Variants in EIF4A2 observed in about 807,000 individuals in gnomAD.
The protein encoded by EIF4A2 is eukaryotic initiation factor 4A-II.
In EIF4A2, 9 loss-of-function variants were observed where a neutral mutation model predicts 50.6. The observed-to-expected ratio is 0.18, with a 90% CI of 0.11 to 0.31. The LOEUF is 0.31. Ranked by LOEUF, EIF4A2 falls within the 10% of genes least tolerant of loss-of-function variation. The probability of loss-of-function intolerance (pLI) is 1.00; values close to 1 mark genes in which losing one functional copy is unlikely to be tolerated. For synonymous variants in EIF4A2, 215 were observed against 164.4 expected (o/e 1.31, Z -2.35); for missense variants, 182 against 501.8 (o/e 0.36, Z 6.09).
rs147960260 is a variant in EIF4A2 at position 186,784,346 on chromosome 3, T to C, written c.30-86T>C. On this transcript the variant is annotated intron_variant, in intron 1 of 10. Coordinates refer to ENST00000323963, the MANE Select transcript of EIF4A2 (RefSeq NM_001967.4). ...GCTTGTGCAGGGGAGGCTAACGTGC[T>C]GAGACGGGTTGCAAAGGGCTATGCG... 2,652 of 1,598,174 alleles carry C rather than the reference T, an allele frequency of 1.7e-3. 44 individuals are homozygous for C. In the African/African-American group the frequency reaches 0.031, roughly 19 times the overall value.
chr3:186,787,609 A>G, intron 9 of EIF4A2, 25 bp downstream of exon 9: 1 of 1,613,830 alleles, frequency 6.2e-7, no homozygotes, highest in African/African-American at 1.3e-5. Flanking sequence ...GCTTTTTAAA[A>G]ATCTACCAAA....
intron 7 of EIF4A2, chr3:186,786,895 G>C: frequency 1.1e-6 from 1 of 882,830 alleles, no homozygotes; most frequent in East Asian, 2.4e-5. Flanking sequence ...TAATTTCTAC[G>C]TTTTGAGACT....
chr3:186,786,397 C>G (rs1721712014), intron 6 of EIF4A2, 105 bp from the exon 7 acceptor site: 11 of 1,539,228 alleles, frequency 7.1e-6, no homozygotes, highest in South Asian at 2.5e-5. Context: ...ATGCATAACT[C>G]TGTCTACCTT....
At position 186,786,530 on chromosome 3, in the gene EIF4A2, C is replaced by T; in HGVS notation, c.656C>T (p.Thr219Ile). The change falls in exon 7 of 11, where the codon ACT becomes ATT. Residue 219 changes from threonine to isoleucine, a missense_variant. By Grantham distance (89) the Thr-to-Ile change is moderately conservative. Transcript: ENST00000323963. ...QVVLLSATMP[T>I]DVLEVTKKFM... ...GTGTTGCTTTCTGCCACAATGCCAA[C>T]TGATGTGTTGGAAGTGACCAAAAAA... 6.2e-7 allele frequency: 1 copy of T among 1,612,676 alleles called. No homozygotes were observed. Among genetic ancestry groups the T allele is most frequent in the Non-Finnish European group, 8.5e-7 (1 of 1,179,946 alleles).
chr3:186,787,147 T>C lies in EIF4A2; in HGVS notation c.792T>C (p.Leu264=), dbSNP rs1208626861. 2 of 1,613,754 alleles carry C rather than the reference T, an allele frequency of 1.2e-6. No individual in the cohort carries two copies. Among genetic ancestry groups the C allele is most frequent in the African/African-American group, 2.7e-5 (2 of 74,932 alleles). Residue 264 remains leucine, a synonymous_variant, in exon 8 of 11, where the codon CTT becomes CTC. Transcript: ENST00000323963. The part of the protein sequence containing the change: ...VEREEWKLDT[L]CDLYETLTIT... ...TACAGGAATGGAAGTTGGATACACTTTGTGACTTGTACGAGACACTGACCA... is the reference window on the plus strand; with the variant it reads ...TACAGGAATGGAAGTTGGATACACTCTGTGACTTGTACGAGACACTGACCA...
chr3:186,786,953 A>G (rs1478672214), intron 7 of EIF4A2, 174 bp from the exon 8 acceptor site: 1 of 1,040,386 alleles, frequency 9.6e-7, no homozygotes, highest in African/African-American at 1.6e-5. Flanking sequence ...TTTTGGGTAG[A>G]GACAGTTTCA....
At position 186,784,322 on chromosome 3, in the gene EIF4A2, C is replaced by T. The variant is rs541068201; in HGVS notation, c.30-110C>T. 4.7e-6 allele frequency: 7 copies of T among 1,505,116 alleles called. No homozygotes were observed. In the Admixed American group the frequency reaches 1.0e-4, roughly 22 times the overall value. 93.2% of individuals were successfully genotyped at this position (1,505,116 alleles called of 1,614,324 possible). A position where few individuals can be genotyped will look rare whatever the true frequency, so the allele number is the denominator to read the frequency against. On this transcript the variant is annotated intron_variant, in intron 1 of 10. Coordinates refer to ENST00000323963, the MANE Select transcript of EIF4A2 (RefSeq NM_001967.4). ...ATTCGCCCTGAGGCTGCTGCTTTAG[C>T]TTGTGCAGGGGAGGCTAACGTGCTG...
intron 4 of EIF4A2, chr3:186,785,652 C>G (rs368232307): frequency 2.0e-6 from 1 of 500,656 alleles, no homozygotes; most frequent in African/African-American, 1.9e-5. Flanking sequence ...CTTGGATTGT[C>G]TAGCTGATGC....
intron 1 of EIF4A2, 198 bp downstream of exon 1, chr3:186,783,837 T>C: frequency 2.5e-6 from 2 of 806,712 alleles, no homozygotes; most frequent in South Asian, 3.5e-5. Context: ...GCGAAAGCAG[T>C]GGCTAAAGGG....
At chr3:186,785,337 A>T (rs1282187774) in intron 4 of EIF4A2, 1 of 544,330 alleles carries the variant, frequency 1.8e-6, no homozygotes, top group East Asian at 3.2e-5. Context: ...GATGTACTAG[A>T]TCTGTCCCCA....
intron 10 of EIF4A2, 44 bp downstream of exon 10, chr3:186,787,926 T>A: frequency 6.3e-7 from 1 of 1,587,756 alleles, no homozygotes; most frequent in Non-Finnish European, 8.6e-7. Flanking sequence ...AATTCATACG[T>A]TTTTCTACTG....
Position 186,789,415 on chromosome 3 carries a change from A to G in EIF4A2, c.*146A>G, listed in dbSNP as rs887621882. The G allele has an allele frequency of 6.6e-6, 8 of 1,207,194 alleles. No individual in the cohort carries two copies. Among genetic ancestry groups the G allele is most frequent in the Admixed American group, 3.0e-5 (1 of 32,832 alleles). 74.8% of individuals were successfully genotyped at this position (1,207,194 alleles called of 1,614,324 possible). A position where few individuals can be genotyped will look rare whatever the true frequency, so the allele number is the denominator to read the frequency against. The stretch of plus-strand genomic sequence containing the variant: ...AAATACAGATTTTGATAGCAAAGCG[A>G]CGTTAGTCGTGAGCTCTTGTGAGGA... On this transcript the variant is annotated 3_prime_UTR_variant, in exon 11 of 11. Transcript: ENST00000323963.
Position 186,789,432 on chromosome 3 carries a change from T to C in EIF4A2, c.*163T>C. On this transcript the variant is annotated 3_prime_UTR_variant, in exon 11 of 11. Transcript: ENST00000323963. ...GCAAAGCGACGTTAGTCGTGAGCTC[T>C]TGTGAGGAAAGTCATTGGCTTTATC... 2.0e-6 allele frequency: 2 copies of C among 1,000,960 alleles called. No individual in the cohort carries two copies. The highest frequency in any genetic ancestry group is 2.8e-5 in the East Asian group (1 of 35,484). 62.0% of individuals were successfully genotyped at this position (1,000,960 alleles called of 1,614,324 possible).
chr3:186,786,721 T>C, intron 7 of EIF4A2, 76 bp downstream of exon 7: 1 of 1,598,446 alleles, frequency 6.3e-7, no homozygotes, highest in Non-Finnish European at 8.6e-7. Context: ...ACTAGGACCA[T>C]GTCTTGGTTT....
intron 10 of EIF4A2, chr3:186,788,429 A>AT: frequency 8.1e-7 from 1 of 1,240,846 alleles, no homozygotes; most frequent in Non-Finnish European, 1.0e-6. Context: ...CGGTATTTAT[A>AT]TTTGTTTTTC....
chr3:186,787,575 T>G lies in EIF4A2; in HGVS notation c.990T>G (p.Thr330=). The part of the protein sequence containing the change: ...RSGSSRVLIT[T]DLLARGIDVQ... ...GGTCAAGTCGTGTTCTGATCACTAC[T>G]GACTTGTTGGTAAGTCTCTTAATGC... is the stretch of plus-strand genomic sequence containing the variant. Residue 330 remains threonine, a synonymous_variant, in exon 9 of 11, where the codon ACT becomes ACG. Coordinates refer to ENST00000323963, the MANE Select transcript of EIF4A2 (RefSeq NM_001967.4). 1 of 1,614,084 alleles carries G rather than the reference T, an allele frequency of 6.2e-7. No homozygotes were observed. The highest frequency in any genetic ancestry group is 8.5e-7 in the Non-Finnish European group (1 of 1,179,922).
intron 4 of EIF4A2, chr3:186,785,559 A>C (rs1263810577): frequency 6.2e-6 from 2 of 321,470 alleles, no homozygotes; most frequent in Admixed American, 4.4e-5. Flanking sequence ...GAAAAAAATC[A>C]TTTGCCCTAG....
intron 7 of EIF4A2, 173 bp from the exon 8 acceptor site, chr3:186,786,954 G>A: frequency 9.5e-7 from 1 of 1,049,466 alleles, no homozygotes; most frequent in Non-Finnish European, 1.4e-6. Flanking sequence ...TTTGGGTAGA[G>A]ACAGTTTCAC....
rs746817318 is a variant in EIF4A2 at position 186,785,997 on chromosome 3, A to C, written c.463A>C (p.Ile155Leu). 7 of 1,613,348 alleles carry C rather than the reference A, an allele frequency of 4.3e-6. No individual in the cohort carries two copies. Among genetic ancestry groups the C allele is most frequent in the Non-Finnish European group, 5.9e-6 (7 of 1,179,286 alleles). The change falls in exon 5 of 11, where the codon ATT becomes CTT. Residue 155 changes from isoleucine (I) to leucine (L), a missense_variant. Ile to Leu is a conservative substitution (Grantham distance 5). Around this residue, in one of 7 missense-constraint regions of EIF4A2, gnomAD observed 113 missense variants for 357.3 expected, o/e 0.32. Transcript: ENST00000323963. The stretch of plus-strand genomic sequence containing the variant: ...AAAACTGCAGGCTGAAGCACCACAT[A>C]TTGTTGTTGGTACACCCGGGAGAGT... ...MQKLQAEAPH[I>L]VVGTPGRVFD...
Sources: gnomAD v4.1 joint callset for allele counts on GRCh38, gnomAD v4.1.1 for gene constraint, gnomAD v4.1.1 regional missense constraint, MANE v1.5 for transcripts, NCBI Gene and HGNC (gene_info 2026-07-23, HGNC 2026-07-21) for gene names.